The following EXT1 variants were observed in gnomAD, a reference collection of about 807,000 sequenced individuals.
EXT1 encodes exostosin glycosyltransferase 1.
In EXT1, 20 loss-of-function variants were observed where a neutral mutation model predicts 82.5. The ratio of observed to expected loss-of-function variants is 0.24; its 90% CI spans 0.17 to 0.35. The LOEUF is 0.35. Among genes scored for constraint, EXT1 ranks in the 10% least tolerant of loss-of-function variants. EXT1 has a pLI of 1.00. For missense variants in EXT1, 757 were observed against 936.5 expected (o/e 0.81, Z 2.50); for synonymous variants, 348 against 350.8 (o/e 0.99, Z 0.09).
At chr8:117,890,990 C>T (rs1001147348) in intron 1 of EXT1, among the ~76,000 whole-genome samples, 7 of 152,204 alleles carry the variant, frequency 4.6e-5, no homozygotes, top group African/African-American at 1.7e-4. Flanking sequence ...CTATACACCC[C>T]CATCCTGTGA....
intron 1 of EXT1, among the ~76,000 whole-genome samples, chr8:117,980,155 T>A (rs1815157503): frequency 6.6e-6 from 1 of 151,556 alleles, no homozygotes; most frequent in Non-Finnish European, 1.5e-5. Flanking sequence ...TGCTGGATGC[T>A]GGCACTGACT....
chr8:118,039,026 C>G (rs1816477937), intron 1 of EXT1, among the ~76,000 whole-genome samples: 1 of 152,200 alleles, frequency 6.6e-6, no homozygotes, highest in African/African-American at 2.4e-5. Context: ...CGCACTCCAA[C>G]AAGAAGAATG....
intron 1 of EXT1, among the ~76,000 whole-genome samples, chr8:117,945,781 G>A (rs1434898620): frequency 6.6e-6 from 1 of 152,178 alleles, no homozygotes; most frequent in Admixed American, 6.5e-5. Context: ...AGGATTAGGT[G>A]TGAGCCACCA....
At chr8:117,969,457 C>T (rs1320611873) in intron 1 of EXT1, among the ~76,000 whole-genome samples, 1 of 152,188 alleles carries the variant, frequency 6.6e-6, no homozygotes. Context: ...AGTGAAACGT[C>T]TCACTTTGAA....
intron 1 of EXT1, among the ~76,000 whole-genome samples, chr8:118,086,575 T>C (rs1817422687): frequency 6.6e-6 from 1 of 152,196 alleles, no homozygotes; most frequent in Non-Finnish European, 1.5e-5. Context: ...ATATTCAGCT[T>C]CCCTTTGGAT....
chr8:118,093,852 T>C (rs1049770526), intron 1 of EXT1, among the ~76,000 whole-genome samples: 4 of 152,252 alleles, frequency 2.6e-5, no homozygotes, highest in Non-Finnish European at 4.4e-5. Context: ...AAACTTAACA[T>C]GCAGAAACGG....
chr8:117,875,644 T>C (rs1400775023), intron 1 of EXT1, among the ~76,000 whole-genome samples: 1 of 152,140 alleles, frequency 6.6e-6, no homozygotes, highest in Non-Finnish European at 1.5e-5. Flanking sequence ...TTTTTATTTG[T>C]TAGATTTCCA....
At chr8:117,949,054 G>C (rs889233592) in intron 1 of EXT1, among the ~76,000 whole-genome samples, 4 of 152,174 alleles carry the variant, frequency 2.6e-5, no homozygotes, top group Non-Finnish European at 4.4e-5. Context: ...AATTTTAAAT[G>C]TTGTCTAACG....
At chr8:118,022,063 G>C (rs911650851) in intron 1 of EXT1, among the ~76,000 whole-genome samples, 7 of 152,068 alleles carry the variant, frequency 4.6e-5, no homozygotes, top group African/African-American at 1.7e-4. Flanking sequence ...AATGCGTAGA[G>C]AGAGAGCTGG....
At chr8:117,849,786 T>G (rs1380210017) in intron 1 of EXT1, among the ~76,000 whole-genome samples, 1 of 152,206 alleles carries the variant, frequency 6.6e-6, no homozygotes, top group Non-Finnish European at 1.5e-5. Flanking sequence ...GCCAAAAATT[T>G]TCTTGGAACA....
At chr8:117,930,470 CTT>C (rs1814037802) in intron 1 of EXT1, among the ~76,000 whole-genome samples, 1 of 152,090 alleles carries the variant, frequency 6.6e-6, no homozygotes, top group Admixed American at 6.6e-5. Flanking sequence ...AGATTATAGA[CTT>C]ATCTCTAAAT....
intron 1 of EXT1, among the ~76,000 whole-genome samples, chr8:118,027,726 C>T (rs951285611): frequency 2.0e-4 from 31 of 152,268 alleles, no homozygotes; most frequent in South Asian, 4.1e-4. Flanking sequence ...ATTACTCTTA[C>T]GTAGTCCAGA....
At chr8:118,039,557 C>CAAAAAAAAAAAAAAAAAAAAAAA (rs71307422) in intron 1 of EXT1, among the ~76,000 whole-genome samples, 1 of 82,046 alleles carries the variant, frequency 1.2e-5, no homozygotes. Flanking sequence ...GACTCCGTCA[C>CAAAAAAAAAAAAAAAAAAAAAAA]AAAAAAAAAA....
At chr8:117,829,429 T>C (rs544557346) in intron 4 of EXT1, among the ~76,000 whole-genome samples, 20 of 152,272 alleles carry the variant, frequency 1.3e-4, no homozygotes, top group African/African-American at 4.3e-4. Context: ...CTTTGCCACA[T>C]TGACGCTGGT....
At chr8:118,105,729 A>C (rs754610560) in intron 1 of EXT1, among the ~76,000 whole-genome samples, 10 of 152,204 alleles carry the variant, frequency 6.6e-5, no homozygotes, top group Non-Finnish European at 1.0e-4. Context: ...AAAGGTGCTA[A>C]TATTTTACAT....
chr8:117,916,770 G>A (rs4876771), intron 1 of EXT1, among the ~76,000 whole-genome samples: 84,112 of 151,778 alleles, frequency 0.55, 25,201 homozygotes, highest in Middle Eastern at 0.77. Context: ...AAAATTAGCT[G>A]GGTGTGGTGG....
At chr8:117,936,889 T>C (rs554163999) in intron 1 of EXT1, among the ~76,000 whole-genome samples, 17 of 151,834 alleles carry the variant, frequency 1.1e-4, no homozygotes, top group African/African-American at 2.9e-4. Context: ...AATAAATAAA[T>C]AAACAAACAA....
At chr8:117,842,534 T>A (rs972947110) in intron 1 of EXT1, among the ~76,000 whole-genome samples, 2 of 152,206 alleles carry the variant, frequency 1.3e-5, no homozygotes, top group African/African-American at 4.8e-5. Flanking sequence ...AATGAAATCA[T>A]GTACATTGAA....
At position 117,980,697 on chromosome 8, in the gene EXT1, G is replaced by GTTTTTTTTTTTTTTTTTTTTTTTT. The variant is rs1491146564; in HGVS notation, c.962+129387_962+129388insAAAAAAAAAAAAAAAAAAAAAAAA. On this transcript the variant is annotated intron_variant, in intron 1 of 10. Coordinates refer to ENST00000378204, the MANE Select transcript of EXT1 (RefSeq NM_000127.3). ...AAGGTTTGTTTGTTCGGGTGTTGGT[G>GTTTTTTTTTTTTTTTTTTTTTTTT]GTTTTTTTTTTTTTTTTTTTTTTTT... Among the ~76,000 whole-genome samples the GTTTTTTTTTTTTTTTTTTTTTTTT allele has an allele frequency of 1.5e-4, 4 of 27,584 alleles. 2 individuals are homozygous for GTTTTTTTTTTTTTTTTTTTTTTTT. Among genetic ancestry groups the GTTTTTTTTTTTTTTTTTTTTTTTT allele is most frequent in the Non-Finnish European group, 2.4e-4 (4 of 16,976 alleles). 18.1% of individuals were successfully genotyped at this position (27,584 alleles called of 152,430 possible).
Sources: gnomAD v4.1 joint callset for allele counts (sites outside exome capture counted in the v4.1 genomes callset) on GRCh38, gnomAD v4.1.1 for gene constraint, MANE v1.5 for transcripts, NCBI Gene and HGNC (gene_info 2026-07-23, HGNC 2026-07-21) for gene names.